Variants in DFFA observed in about 807,000 individuals in gnomAD.
The protein encoded by DFFA is DNA fragmentation factor subunit alpha, also known as DFF45.
Under a neutral mutation model 28.0 loss-of-function variants are expected in DFFA, and 14 were observed. The observed-to-expected ratio is 0.50, with a 90% CI of 0.33 to 0.78. The LOEUF is 0.78. Among genes scored for constraint, DFFA ranks in the 30% least tolerant of loss-of-function variants. The pLI, the probability that DFFA is intolerant of heterozygous loss-of-function variation, is 0.02. For missense variants in DFFA, 395 were observed against 407.1 expected (o/e 0.97, Z 0.26); for synonymous variants, 158 against 170.3 (o/e 0.93, Z 0.56).
In DFFA at chr1:10,472,252, G is replaced by T; in HGVS notation, c.136+71C>A. 1 of 1,454,154 alleles carries T rather than the reference G, an allele frequency of 6.9e-7. No homozygotes were observed. Among genetic ancestry groups the T allele is most frequent in the Non-Finnish European group, 9.1e-7 (1 of 1,093,050 alleles). 90.1% of individuals were successfully genotyped at this position (1,454,154 alleles called of 1,614,324 possible). A position where few individuals can be genotyped will look rare whatever the true frequency, so the allele number is the denominator to read the frequency against. On this transcript the variant is annotated intron_variant, in intron 1 of 5. Transcript: ENST00000377038. The surrounding 1 kb of genome is among the most constrained non-coding windows in gnomAD (Gnocchi z 5.0). The stretch of plus-strand genomic sequence containing the variant: ...TCCCCAAGTCGCCTCTCCTGACCCC[G>T]CCTCGCCCCCGCCGGACGTCCTCAC...
At chr1:10,464,764 G>C (rs1330714366) in intron 3 of DFFA, among the ~76,000 whole-genome samples, 1 of 152,090 alleles carries the variant, frequency 6.6e-6, no homozygotes, top group Non-Finnish European at 1.5e-5. Context: ...TTTCCTCAAA[G>C]AGGCCTTCCT....
At chr1:10,467,387 C>T in intron 2 of DFFA, 55 bp from the exon 3 acceptor site, 4 of 1,597,976 alleles carry the variant, frequency 2.5e-6, no homozygotes, top group African/African-American at 1.3e-5. Context: ...CTGTTTTCAC[C>T]TCCTCCCCCA....
At chr1:10,462,073 T>A (rs189659134) in intron 5 of DFFA, among the ~76,000 whole-genome samples, 2 of 152,210 alleles carry the variant, frequency 1.3e-5, no homozygotes, top group Non-Finnish European at 2.9e-5. Context: ...TTCGCCAGGA[T>A]GGTCTCGATC....
chr1:10,470,646 C>T (rs1231996242), intron 1 of DFFA, among the ~76,000 whole-genome samples: 1 of 149,610 alleles, frequency 6.7e-6, no homozygotes, highest in Non-Finnish European at 1.5e-5. Flanking sequence ...AGGATGGTCT[C>T]GATCTCCTGA....
At chr1:10,467,030 A>C (rs1156591159) in intron 3 of DFFA, among the ~76,000 whole-genome samples, 160 bp downstream of exon 3, 1 of 151,744 alleles carries the variant, frequency 6.6e-6, no homozygotes, top group Admixed American at 6.6e-5. Context: ...ACTCTAGGTG[A>C]GAATGAGAAG....
chr1:10,462,788 A>G, intron 5 of DFFA: 1 of 1,306,372 alleles, frequency 7.7e-7, no homozygotes, highest in Non-Finnish European at 9.8e-7. Context: ...GGGCCCTGCT[A>G]TTCCTCCCTG....
Position 10,460,189 on chromosome 1 carries a change from G to A in DFFA, c.*1301C>T, listed in dbSNP as rs1485936462. 6.6e-6 allele frequency: 1 copy of A among 151,872 alleles called. No individual in the cohort carries two copies. Among genetic ancestry groups the A allele is most frequent in the Non-Finnish European group, 1.5e-5 (1 of 68,052 alleles). 9.4% of individuals were successfully genotyped at this position (151,872 alleles called of 1,614,324 possible). ...GAACCTGGGAGGTGGGGGTTGCAGT[G>A]AGCCGAGAATGTGCCACTGCACTCC... is the stretch of plus-strand genomic sequence containing the variant. On this transcript the variant is annotated 3_prime_UTR_variant, in exon 6 of 6. Coordinates refer to ENST00000377038, the MANE Select transcript of DFFA (RefSeq NM_004401.3).
chr1:10,467,671 C>T (rs567179671), intron 2 of DFFA, among the ~76,000 whole-genome samples: 6 of 152,048 alleles, frequency 3.9e-5, no homozygotes, highest in Non-Finnish European at 8.8e-5. Context: ...CCACCATGAC[C>T]AGCTAATTTT....
rs142954972 is a variant in DFFA at position 10,463,134 on chromosome 1, G to C, written c.707C>G (p.Ala236Gly). 1 of 1,614,108 alleles carries C rather than the reference G, an allele frequency of 6.2e-7. No individual in the cohort carries two copies. The highest frequency in any genetic ancestry group is 8.5e-7 in the Non-Finnish European group (1 of 1,180,020). The change falls in exon 5 of 6, where the codon GCG (alanine) becomes GGG (glycine). Residue 236 changes from alanine (A) to glycine (G), a missense_variant. Ala to Gly is a moderately conservative substitution (Grantham distance 60). Transcript: ENST00000377038. ...TGCAGTAAGGATGTGGCTCGCCAGCGCAACGTCCGAGGAGGTCTCTCTGCT... is the reference window on the plus strand; with the variant it reads ...TGCAGTAAGGATGTGGCTCGCCAGCCCAACGTCCGAGGAGGTCTCTCTGCT... Reference protein sequence around the residue: ...GISRETSSDVALASHILTALR... With the variant: ...GISRETSSDVGLASHILTALR...
rs1444892637 is a variant in DFFA at position 10,458,531 on chromosome 1, G to A, written c.*2959C>T. Reference sequence around the variant, plus strand: ...CCCCATCTTTACCCTAGGACTTATTGTGATTTTCTTTTTTTTTTTTTTTTA... The same window carrying A: ...CCCCATCTTTACCCTAGGACTTATTATGATTTTCTTTTTTTTTTTTTTTTA... On this transcript the variant is annotated 3_prime_UTR_variant, in exon 6 of 6. Coordinates refer to ENST00000377038, the MANE Select transcript of DFFA (RefSeq NM_004401.3). The A allele has an allele frequency of 8.8e-6, 1 of 113,690 alleles. No individual in the cohort carries two copies. The highest frequency in any genetic ancestry group is 1.7e-5 in the Non-Finnish European group (1 of 57,290). The allele number at this position is 113,690 out of a possible 1,614,324, so 7.0% of individuals were successfully genotyped here.
At position 10,467,277 on chromosome 1, in the gene DFFA, G is replaced by A. The variant is rs147033969; in HGVS notation, c.354C>T (p.Ser118=). 275 of 1,613,904 alleles carry A rather than the reference G, an allele frequency of 1.7e-4. 1 individual carries two copies. The highest frequency in any genetic ancestry group is 2.1e-4 in the Non-Finnish European group (252 of 1,180,008). Residue 118 remains serine (S), a synonymous_variant, in exon 3 of 6, where the codon AGC becomes AGT. Transcript: ENST00000377038. The part of the protein sequence containing the change: ...QESFDVDETD[S]GAGLKWKNVA... The stretch of plus-strand genomic sequence containing the variant: ...CATTCTTCCACTTCAACCCTGCCCC[G>A]CTGTCTGTTTCATCTACATCAAAGG...
chr1:10,466,060 A>C (rs1455451048), intron 3 of DFFA, among the ~76,000 whole-genome samples: 3 of 151,746 alleles, frequency 2.0e-5, no homozygotes, highest in African/African-American at 7.3e-5. Flanking sequence ...AGGTGGGAGG[A>C]TGGCTTGAGC....
rs544755907 is a variant in DFFA at position 10,462,079 on chromosome 1, C to T, written c.784-377G>A. The stretch of plus-strand genomic sequence containing the variant: ...TTCACCGTGTTCGCCAGGATGGTCT[C>T]GATCTCCTGACCTTGTGATCCGCCC... On this transcript the variant is annotated intron_variant, in intron 5 of 5. Transcript: ENST00000377038. 3.0e-4 allele frequency among the ~76,000 whole-genome samples: 45 copies of T among 152,250 alleles called. 1 individual carries two copies. The highest frequency in any genetic ancestry group is 2.6e-4 in the Admixed American group (4 of 15,292).
rs1036024566 is a variant in DFFA, at chr1:10,472,514, G to C, written c.-56C>G. The C allele has an allele frequency of 2.5e-5, 38 of 1,538,964 alleles. No homozygotes were observed. In the South Asian group the frequency reaches 4.5e-4, roughly 18 times the overall value. The stretch of plus-strand genomic sequence containing the variant: ...AGAAGTCGCGGGAGGCCGGAGCGGC[G>C]GTCCTTCTACTCGACCCCCTTCCGC... On this transcript the variant is annotated 5_prime_UTR_variant, in exon 1 of 6. Transcript: ENST00000377038. The surrounding 1 kb of genome is among the most constrained non-coding windows in gnomAD (Gnocchi z 5.0).
intron 3 of DFFA, among the ~76,000 whole-genome samples, chr1:10,466,652 C>T (rs1641027519): frequency 1.3e-5 from 2 of 151,856 alleles, no homozygotes; most frequent in South Asian, 4.2e-4. Flanking sequence ...GGGTGGATCC[C>T]AGGCATTTGT....
rs1640975472 is a variant in DFFA at position 10,463,275 on chromosome 1, C to T, written c.632-66G>A. The T allele has an allele frequency of 2.5e-6, 4 of 1,587,210 alleles. No individual in the cohort carries two copies. The South Asian group carries it at 3.3e-5, about 13-fold the overall frequency. On this transcript the variant is annotated intron_variant, in intron 4 of 5. Transcript: ENST00000377038. Reference sequence around the variant, plus strand: ...CCACACAGCCACATGAACAACTCGCCAGAATAACTGGCCGGGCAAGAGAGA... The same window carrying T: ...CCACACAGCCACATGAACAACTCGCTAGAATAACTGGCCGGGCAAGAGAGA...
Position 10,463,600 on chromosome 1 carries a change from G to C in DFFA, c.462C>G (p.Cys154Trp). 6.2e-7 allele frequency: 1 copy of C among 1,612,736 alleles called. No homozygotes were observed. Among genetic ancestry groups the C allele is most frequent in the South Asian group, 1.1e-5 (1 of 90,896 alleles). Reference protein sequence around the residue: ...EDLQMLVDAPCSDLAQELRQS... With the variant: ...EDLQMLVDAPWSDLAQELRQS... Reference sequence around the variant, plus strand: ...GACGTAGTTCCTGAGCCAGGTCTGAGCAGGGAGCGTCAACAAGCATCTAAC... The same window carrying C: ...GACGTAGTTCCTGAGCCAGGTCTGACCAGGGAGCGTCAACAAGCATCTAAC... Residue 154 changes from cysteine to tryptophan, a missense_variant, in exon 4 of 6, where the codon TGC (cysteine) becomes TGG (tryptophan). Cys to Trp is a radical substitution (Grantham distance 215). Transcript: ENST00000377038.
In DFFA at chr1:10,458,431, TAGA is replaced by T. The variant is rs2124333350; in HGVS notation, c.*3056_*3058del. The T allele has an allele frequency of 6.6e-6, 1 of 152,232 alleles. No individual in the cohort carries two copies. The highest frequency in any genetic ancestry group is 2.4e-5 in the African/African-American group (1 of 41,544). The allele number at this position is 152,232 out of a possible 1,614,324, so 9.4% of individuals were successfully genotyped here. On this transcript the variant is annotated 3_prime_UTR_variant, in exon 6 of 6. Coordinates refer to ENST00000377038, the MANE Select transcript of DFFA (RefSeq NM_004401.3). ...AGGGCATTAGTAAAAGGATGCTGAG[TAGA>T]AGATCTAAGCCCTTCTTGAATCACA... is the stretch of plus-strand genomic sequence containing the variant.
intron 2 of DFFA, among the ~76,000 whole-genome samples, chr1:10,467,762 C>T (rs1467779782): frequency 2.0e-5 from 3 of 152,110 alleles, no homozygotes; most frequent in East Asian, 1.9e-4. Flanking sequence ...CTGCCCACCT[C>T]GGTCTCCCAA....
Sources: gnomAD v4.1 joint callset for allele counts (sites outside exome capture counted in the v4.1 genomes callset) on GRCh38, gnomAD v4.1.1 for gene constraint, Gnocchi (gnomAD v3.1) non-coding constraint, MANE v1.5 for transcripts, NCBI Gene and HGNC (gene_info 2026-07-23, HGNC 2026-07-21) for gene names.